BORCS5: variants seen among roughly 807,000 people sequenced by gnomAD.
BORCS5 encodes BLOC-1 related complex subunit 5.
BORCS5 carries 17 observed loss-of-function variants against 22.1 expected under a neutral mutation model. The observed-to-expected ratio is 0.77, with a 90% confidence interval of 0.53 to 1.15. The LOEUF (loss-of-function observed/expected upper bound fraction) is 1.15, where lower values mean the gene tolerates loss of function less well. Ranked by LOEUF, BORCS5 falls within the 50% of genes most tolerant of loss-of-function variation. BORCS5 has a pLI of 0.00. For missense variants in BORCS5, 247 were observed against 253.2 expected, an observed-to-expected ratio of 0.98 and a Z score of 0.17; for synonymous variants, 117 against 99.8, an observed-to-expected ratio of 1.17 and a Z score of -1.03.
chr12:12,461,680 G>A (rs1159595367), intron 3 of BORCS5, among the ~76,000 whole-genome samples: 3 of 152,142 alleles, frequency 2.0e-5, no homozygotes, highest in Admixed American at 6.6e-5. Flanking sequence ...TCTACATGGG[G>A]TGCACCTGCA....
intron 2 of BORCS5, among the ~76,000 whole-genome samples, chr12:12,418,434 C>G (rs967858839): frequency 4.6e-5 from 7 of 151,976 alleles, no homozygotes; most frequent in African/African-American, 1.7e-4. Context: ...TCCTATAATC[C>G]CAGCACTTTG....
chr12:12,377,778 A>T (rs536770125), intron 2 of BORCS5, among the ~76,000 whole-genome samples: 1 of 152,312 alleles, frequency 6.6e-6, no homozygotes, highest in Non-Finnish European at 1.5e-5. Context: ...TGTCCTTAAG[A>T]GAAAGCATAT....
At position 12,362,832 on chromosome 12, in the gene BORCS5, G is replaced by C. The variant is rs1009302229; in HGVS notation, c.202+1483G>C. Among the ~76,000 whole-genome samples, 2 of 147,562 alleles carry C rather than the reference G, an allele frequency of 1.4e-5. 1 individual carries two copies. Among genetic ancestry groups the C allele is most frequent in the Admixed American group, 1.4e-4 (2 of 14,736 alleles). On this transcript the variant is annotated intron_variant, in intron 2 of 3. Transcript: ENST00000314565. ...AATGTTTTTATTATTATTATTTTTA[G>C]TTGAGATGGGGTTTCACCATGTTGG...
At chr12:12,361,929 C>G (rs926064158) in intron 2 of BORCS5, among the ~76,000 whole-genome samples, 1 of 152,092 alleles carries the variant, frequency 6.6e-6, no homozygotes, top group East Asian at 1.9e-4. Flanking sequence ...ACCTTTTGAA[C>G]GAAGGCCACA....
At chr12:12,414,431 G>T (rs1592102467) in intron 2 of BORCS5, among the ~76,000 whole-genome samples, 1 of 104,988 alleles carries the variant, frequency 9.5e-6, no homozygotes, top group East Asian at 2.7e-4. Flanking sequence ...CCGGGCGGGG[G>T]GCTGACCCCC....
intron 3 of BORCS5, among the ~76,000 whole-genome samples, chr12:12,449,774 C>T (rs899273122): frequency 1.3e-5 from 2 of 152,136 alleles, no homozygotes; most frequent in African/African-American, 4.8e-5. Context: ...AAAACATTGG[C>T]GACAGTCGGC....
At chr12:12,408,069 T>C (rs189796334) in intron 2 of BORCS5, among the ~76,000 whole-genome samples, 1 of 152,344 alleles carries the variant, frequency 6.6e-6, no homozygotes, top group East Asian at 1.9e-4. Context: ...TCCTTTTGTG[T>C]CTGGCATACT....
chr12:12,381,050 C>A (rs533344548), intron 2 of BORCS5, among the ~76,000 whole-genome samples: 1 of 137,172 alleles, frequency 7.3e-6, no homozygotes, highest in South Asian at 2.2e-4. Flanking sequence ...CTCACTCTGT[C>A]GCCCAGGCTG....
intron 3 of BORCS5, chr12:12,435,987 G>T: frequency 2.1e-6 from 1 of 486,434 alleles, no homozygotes. Flanking sequence ...TGATTTGCTT[G>T]GCCAAGTTGC....
intron 2 of BORCS5, among the ~76,000 whole-genome samples, chr12:12,428,047 T>C (rs1426941700): frequency 6.6e-6 from 1 of 152,228 alleles, no homozygotes; most frequent in Non-Finnish European, 1.5e-5. Context: ...CAGTAACTTT[T>C]GTCAAAGTTA....
At chr12:12,452,592 A>G (rs373620155) in intron 3 of BORCS5, 10 of 326,684 alleles carry the variant, frequency 3.1e-5, no homozygotes, top group African/African-American at 1.5e-4. Flanking sequence ...TCCCTCCCGC[A>G]CGCCGGCAAG....
At chr12:12,376,052 C>T (rs909024842) in intron 2 of BORCS5, among the ~76,000 whole-genome samples, 25 of 152,172 alleles carry the variant, frequency 1.6e-4, no homozygotes, top group African/African-American at 6.0e-4. Flanking sequence ...ATCCGCCCAC[C>T]TCGGCCTCCC....
chr12:12,419,636 G>T (rs1271503958), intron 2 of BORCS5, among the ~76,000 whole-genome samples: 2 of 152,160 alleles, frequency 1.3e-5, no homozygotes, highest in South Asian at 2.1e-4. Context: ...TTCCACAATG[G>T]TTGGACTAAA....
chr12:12,359,840 C>T (rs536113982), intron 1 of BORCS5, among the ~76,000 whole-genome samples: 1 of 152,112 alleles, frequency 6.6e-6, no homozygotes, highest in African/African-American at 2.4e-5. Flanking sequence ...CCTTGTGTAC[C>T]AATAACTTGT....
intron 2 of BORCS5, among the ~76,000 whole-genome samples, chr12:12,375,041 AGTCTCT>A (rs1222061929): frequency 1.3e-5 from 2 of 151,006 alleles, no homozygotes; most frequent in African/African-American, 4.9e-5. Context: ...TTTGAGCTGG[AGTCTCT>A]GTTGCCCAGG....
intron 1 of BORCS5, among the ~76,000 whole-genome samples, chr12:12,360,808 CCT>C (rs1438767348): frequency 6.6e-6 from 1 of 152,070 alleles, no homozygotes; most frequent in Non-Finnish European, 1.5e-5. Context: ...GCAACCTCCG[CCT>C]CTCGGGCTCA....
chr12:12,382,680 G>A (rs1054910360), intron 2 of BORCS5, among the ~76,000 whole-genome samples: 5 of 150,724 alleles, frequency 3.3e-5, no homozygotes, highest in East Asian at 3.9e-4. Context: ...TTACAGGCGC[G>A]TGCCAGCATG....
intron 3 of BORCS5, among the ~76,000 whole-genome samples, chr12:12,462,490 G>A (rs150394016): frequency 3.2e-4 from 49 of 152,204 alleles, no homozygotes; most frequent in African/African-American, 1.1e-3. Context: ...AACCTAGGTG[G>A]TCTGACTCCT....
chr12:12,429,819 C>T (rs971457643), intron 2 of BORCS5, among the ~76,000 whole-genome samples: 1 of 152,222 alleles, frequency 6.6e-6, no homozygotes, highest in African/African-American at 2.4e-5. Flanking sequence ...TCCTCCACTT[C>T]ATTCTGCGAT....
Sources: allele counts gnomAD v4.1 joint callset (sites outside exome capture counted in the v4.1 genomes callset), GRCh38; gene constraint gnomAD v4.1.1; transcripts MANE v1.5; gene names NCBI Gene and HGNC (gene_info 2026-07-23, HGNC 2026-07-21).